SHROOM3: variants seen among roughly 807,000 people sequenced by gnomAD.
SHROOM3 encodes the protein shroom family member 3.
In SHROOM3, 47 loss-of-function variants were observed where a neutral mutation model predicts 138.6. The observed-to-expected ratio is 0.34, with a 90% CI of 0.27 to 0.43. The LOEUF (loss-of-function observed/expected upper bound fraction) is 0.43. SHROOM3 is among the 20% of genes least tolerant of loss of function. SHROOM3 has a pLI of 1.00. For missense variants in SHROOM3, 2,491 were observed against 2,596.5 expected, an observed-to-expected ratio of 0.96 and a Z score of 0.88; for synonymous variants, 1,062 against 1,063.3, an observed-to-expected ratio of 1.00 and a Z score of 0.02.
chr4:76,472,355 A>G (rs1467099196), intron 1 of SHROOM3, among the ~76,000 whole-genome samples: 2 of 152,228 alleles, frequency 1.3e-5, no homozygotes, highest in African/African-American at 4.8e-5. Flanking sequence ...GTTATCAAAT[A>G]TTATAATAAA....
At chr4:76,529,291 C>CATAT (rs2110014723) in intron 1 of SHROOM3, among the ~76,000 whole-genome samples, 1 of 152,100 alleles carries the variant, frequency 6.6e-6, no homozygotes, top group East Asian at 1.9e-4. Flanking sequence ...TGGCTTAGGG[C>CATAT]TCTCCATGAG....
At chr4:76,768,507 T>C (rs1722237317) in intron 9 of SHROOM3, among the ~76,000 whole-genome samples, 1 of 152,168 alleles carries the variant, frequency 6.6e-6, no homozygotes, top group Non-Finnish European at 1.5e-5. Flanking sequence ...TGTGATGAGA[T>C]GGTGCAGCAG....
intron 1 of SHROOM3, among the ~76,000 whole-genome samples, chr4:76,541,827 T>G (rs1232598505): frequency 6.6e-6 from 1 of 152,036 alleles, no homozygotes; most frequent in Non-Finnish European, 1.5e-5. Flanking sequence ...CACAAAAGAC[T>G]CAATTTGGAG....
chr4:76,456,740 A>G (rs916558511), intron 1 of SHROOM3, among the ~76,000 whole-genome samples: 6 of 152,206 alleles, frequency 3.9e-5, no homozygotes, highest in African/African-American at 1.4e-4. Context: ...GAGACCACCA[A>G]ATAGGCTTTG....
Position 76,770,865 on chromosome 4 carries a change from C to T in SHROOM3, c.5589C>T (p.Ser1863=), listed in dbSNP as rs768580971. The part of the protein sequence containing the change: ...GRLARVENVL[S]GLGEDASNEE... ...TAGCCCGTGTTGAGAATGTCCTTAG[C>T]GGCCTTGGTGAAGATGCCAGTAATG... The change falls in exon 10 of 11, where the codon AGC becomes AGT. Residue 1863 remains serine, a synonymous_variant. Coordinates refer to ENST00000296043, the MANE Select transcript of SHROOM3 (RefSeq NM_020859.4). 4.0e-5 allele frequency: 64 copies of T among 1,614,082 alleles called. No individual in the cohort carries two copies. Among genetic ancestry groups the T allele is most frequent in the Middle Eastern group, 3.3e-4 (2 of 6,084 alleles).
chr4:76,573,621 G>C (rs886115796), intron 2 of SHROOM3: 1 of 154,240 alleles, frequency 6.5e-6, no homozygotes, highest in South Asian at 2.0e-4. Context: ...CATCTCCCCT[G>C]GTCCCTTGGC....
chr4:76,685,105 CTAA>C (rs1399275946), intron 2 of SHROOM3, among the ~76,000 whole-genome samples: 6 of 152,188 alleles, frequency 3.9e-5, no homozygotes, highest in Non-Finnish European at 8.8e-5. Flanking sequence ...TTCGTTCCTC[CTAA>C]TATTTTCTCT....
chr4:76,528,130 CAT>C (rs1258385774), intron 1 of SHROOM3, among the ~76,000 whole-genome samples: 1 of 152,136 alleles, frequency 6.6e-6, no homozygotes, highest in Non-Finnish European at 1.5e-5. Flanking sequence ...TACACTGAAA[CAT>C]GTTGCAGGAA....
intron 1 of SHROOM3, among the ~76,000 whole-genome samples, chr4:76,457,092 A>G (rs1345279173): frequency 6.6e-6 from 1 of 152,184 alleles, no homozygotes; most frequent in East Asian, 1.9e-4. Context: ...TATACGTGCA[A>G]ATCACAGGGG....
intron 2 of SHROOM3, among the ~76,000 whole-genome samples, chr4:76,605,965 A>G (rs1280574329): frequency 2.1e-5 from 3 of 142,258 alleles, no homozygotes; most frequent in Non-Finnish European, 4.5e-5. Flanking sequence ...ATATATACAT[A>G]TATATACACA....
chr4:76,596,444 A>G (rs1228116295), intron 2 of SHROOM3, among the ~76,000 whole-genome samples: 1 of 152,172 alleles, frequency 6.6e-6, no homozygotes, highest in Non-Finnish European at 1.5e-5. Flanking sequence ...TGTGTATAAC[A>G]TCTGGGTTTG....
chr4:76,450,011 AG>A (rs1380920014), intron 1 of SHROOM3, among the ~76,000 whole-genome samples: 1 of 152,110 alleles, frequency 6.6e-6, no homozygotes, highest in Non-Finnish European at 1.5e-5. Flanking sequence ...GAGCACAGGG[AG>A]GGGTATTTCA....
At chr4:76,450,328 C>A (rs1730900798) in intron 1 of SHROOM3, among the ~76,000 whole-genome samples, 1 of 152,144 alleles carries the variant, frequency 6.6e-6, no homozygotes, top group Admixed American at 6.5e-5. Context: ...AAACAGATGG[C>A]CATTTCTTAA....
intron 1 of SHROOM3, among the ~76,000 whole-genome samples, chr4:76,442,085 C>T (rs1296226426): frequency 6.6e-6 from 1 of 152,184 alleles, no homozygotes; most frequent in Non-Finnish European, 1.5e-5. Flanking sequence ...TTGCATTTGG[C>T]GTCCTGCCAA....
intron 7 of SHROOM3, 90 bp downstream of exon 7, chr4:76,755,282 C>T: frequency 6.9e-7 from 1 of 1,447,910 alleles, no homozygotes; most frequent in East Asian, 2.4e-5. Context: ...CACAGAAGAA[C>T]CCTGGCATGG....
intron 1 of SHROOM3, among the ~76,000 whole-genome samples, chr4:76,543,616 T>C (rs1189239640): frequency 6.6e-6 from 1 of 152,184 alleles, no homozygotes; most frequent in Admixed American, 6.5e-5. Flanking sequence ...CTCGTTTTAG[T>C]TTCCCAGTGA....
chr4:76,540,594 ACTTAT>A (rs1733077528), intron 1 of SHROOM3, among the ~76,000 whole-genome samples: 1 of 152,204 alleles, frequency 6.6e-6, no homozygotes, highest in South Asian at 2.1e-4. Flanking sequence ...CACTCATGAA[ACTTAT>A]CTTAGAACAG....
intron 2 of SHROOM3, among the ~76,000 whole-genome samples, chr4:76,575,050 T>C (rs12108610): frequency 1 from 152,227 of 152,360 alleles, 76,047 homozygotes; most frequent in Middle Eastern, 1. Context: ...TCAACATATA[T>C]AAATCAATCA....
At chr4:76,689,874 C>T (rs901125551) in intron 2 of SHROOM3, among the ~76,000 whole-genome samples, 1 of 152,104 alleles carries the variant, frequency 6.6e-6, no homozygotes, top group Non-Finnish European at 1.5e-5. Context: ...TGGCGTGCTC[C>T]GAGGGTCTCC....
Sources: allele counts gnomAD v4.1 joint callset (sites outside exome capture counted in the v4.1 genomes callset), GRCh38; gene constraint gnomAD v4.1.1; transcripts MANE v1.5; gene names NCBI Gene and HGNC (gene_info 2026-07-23, HGNC 2026-07-21).